HIBCH: variants seen among roughly 807,000 people sequenced by gnomAD.
HIBCH encodes the protein 3-hydroxyisobutyryl-CoA hydrolase, also known as 3-hydroxyisobutyryl-CoA hydrolase, mitochondrial.
Under a neutral mutation model 58.2 loss-of-function variants are expected in HIBCH, and 50 were observed. The observed-to-expected ratio is 0.86, with a 90% CI of 0.68 to 1.09. The LOEUF (loss-of-function observed/expected upper bound fraction) is 1.09. HIBCH is among the 50% of genes least tolerant of loss of function. The pLI is 0.00. For missense variants in HIBCH, 450 were observed against 449.7 expected (o/e 1.00, Z -0.01); for synonymous variants, 151 against 146.9 (o/e 1.03, Z -0.20).
chr2:190,257,841 G>A (rs1029463831), intron 7 of HIBCH, among the ~76,000 whole-genome samples: 7 of 152,064 alleles, frequency 4.6e-5, no homozygotes, highest in African/African-American at 1.7e-4. Context: ...TGCAAAAACT[G>A]GAAGAGCCCC....
chr2:190,310,906 AC>A (rs1688539073), intron 1 of HIBCH, 110 bp from the exon 2 acceptor site: 1 of 723,502 alleles, frequency 1.4e-6, no homozygotes. Flanking sequence ...TATTACCAGA[AC>A]AAAAAGTTTT....
chr2:190,252,231 T>C lies in HIBCH; in HGVS notation c.594A>G (p.Thr198=), dbSNP rs977610199. Residue 198 remains threonine (T), a synonymous_variant, in exon 8 of 14, where the codon ACA becomes ACG. Transcript: ENST00000359678. ...QGKLGYFLAL[T]GFRLKGRDVY... The stretch of plus-strand genomic sequence containing the variant: ...CATCTCTTCCTTTTAGTCTGAATCC[T>C]GTTAATGCAAGGAAGTAACCAAGTT... 1 of 1,613,766 alleles carries C rather than the reference T, an allele frequency of 6.2e-7. No individual in the cohort carries two copies. Among genetic ancestry groups the C allele is most frequent in the Non-Finnish European group, 8.5e-7 (1 of 1,179,658 alleles).
chr2:190,287,993 A>G (rs950904223), intron 5 of HIBCH, among the ~76,000 whole-genome samples: 6 of 151,978 alleles, frequency 3.9e-5, no homozygotes, highest in South Asian at 2.1e-4. Flanking sequence ...TCCCTCTCTT[A>G]AAAAAAGTAT....
chr2:190,318,321 A>G (rs1020363001), intron 1 of HIBCH, among the ~76,000 whole-genome samples: 7 of 151,990 alleles, frequency 4.6e-5, no homozygotes, highest in Non-Finnish European at 1.0e-4. Context: ...GTGGCATTAG[A>G]AAAGTAGGCC....
chr2:190,230,566 G>A lies in HIBCH; in HGVS notation c.891+14321C>T, dbSNP rs563260537. Among the ~76,000 whole-genome samples, 15 of 152,296 alleles carry A rather than the reference G, an allele frequency of 9.8e-5. No homozygotes were observed. The South Asian group carries it at 1.4e-3, about 15-fold the overall frequency. ...AAAAATTAGCTGGGTGTGGTGGCGC[G>A]TGCCTATATTCCCAGATACTAGGGA... On this transcript the variant is annotated intron_variant, in intron 11 of 13. Transcript: ENST00000359678.
chr2:190,303,237 T>A (rs957817603), intron 2 of HIBCH, among the ~76,000 whole-genome samples: 1 of 152,132 alleles, frequency 6.6e-6, no homozygotes, highest in Non-Finnish European at 1.5e-5. Context: ...GATACATACA[T>A]TACCCTAGCT....
rs1255555254 is a variant in HIBCH at position 190,217,653 on chromosome 2, C to T, written c.892-4578G>A. ...GGTTAAAAAAACTTCTAACTCGAAC[C>T]CTGCCTCTTGAGTTCACAGTTCACC... On this transcript the variant is annotated intron_variant, in intron 11 of 13. Coordinates refer to ENST00000359678, the MANE Select transcript of HIBCH (RefSeq NM_014362.4). The surrounding 1 kb of genome is among the most constrained non-coding windows in gnomAD (Gnocchi z 4.6). 3.9e-5 allele frequency among the ~76,000 whole-genome samples: 6 copies of T among 152,120 alleles called. No homozygotes were observed. The highest frequency in any genetic ancestry group is 8.8e-5 in the Non-Finnish European group (6 of 68,024).
rs113396009 is a variant in HIBCH at position 190,209,316 on chromosome 2, G to A, written c.1012-403C>T. ...CCTGGCACCAACTAAACCCTATCAC[G>A]TACCCCTGCCTGCACTTCAGCAGCT... On this transcript the variant is annotated intron_variant, in intron 12 of 13. Transcript: ENST00000359678. This position sits in a 1 kb window ranked among gnomAD's most constrained non-coding sequence, Gnocchi z 5.6. Among the ~76,000 whole-genome samples the A allele has an allele frequency of 4.0e-5, 6 of 151,742 alleles. No homozygotes were observed. The highest frequency in any genetic ancestry group is 9.7e-5 in the African/African-American group (4 of 41,260).
Position 190,297,104 on chromosome 2 carries a change from T to C in HIBCH, c.79-151A>G, listed in dbSNP as rs1234737457. 9 of 731,482 alleles carry C rather than the reference T, an allele frequency of 1.2e-5. No homozygotes were observed. The South Asian group carries it at 1.4e-4, about 11-fold the overall frequency. 45.3% of individuals were successfully genotyped at this position (731,482 alleles called of 1,614,324 possible). A position where few individuals can be genotyped will look rare whatever the true frequency, so the allele number is the denominator to read the frequency against. On this transcript the variant is annotated intron_variant, in intron 2 of 13. Coordinates refer to ENST00000359678, the MANE Select transcript of HIBCH (RefSeq NM_014362.4). ...TACACCTTATAAGTTTCTGAAGTTATTTAGATTATGTAGACGAACAATTCC... is the reference window on the plus strand; with the variant it reads ...TACACCTTATAAGTTTCTGAAGTTACTTAGATTATGTAGACGAACAATTCC...
At chr2:190,250,495 A>G (rs1401778310) in intron 8 of HIBCH, 2 of 389,574 alleles carry the variant, frequency 5.1e-6, no homozygotes, top group African/African-American at 4.2e-5. Context: ...ATGTCTGTCT[A>G]CTCATTGCAG....
intron 2 of HIBCH, among the ~76,000 whole-genome samples, chr2:190,305,169 T>G (rs778791172): frequency 7.9e-5 from 12 of 151,868 alleles, no homozygotes; most frequent in Non-Finnish European, 1.3e-4. Context: ...GGATTAACAG[T>G]AGGAATAGAA....
intron 7 of HIBCH, among the ~76,000 whole-genome samples, chr2:190,259,283 T>C (rs754383986): frequency 1.3e-5 from 2 of 151,720 alleles, no homozygotes; most frequent in Non-Finnish European, 2.9e-5. Context: ...CTTCTTCAAT[T>C]TTTTTCATCA....
At chr2:190,195,113 C>T (rs1195795916) in intron 1 of HIBCH, among the ~76,000 whole-genome samples, 1 of 152,168 alleles carries the variant, frequency 6.6e-6, no homozygotes, top group African/African-American at 2.4e-5. Flanking sequence ...ATACTCGCCT[C>T]AGCCTCCCAA....
At position 190,304,256 on chromosome 2, in the gene HIBCH, A is replaced by C. The variant is rs1158689697; in HGVS notation, c.78+6498T>G. On this transcript the variant is annotated intron_variant, in intron 2 of 13. Transcript: ENST00000359678. The surrounding 1 kb of genome is among the most constrained non-coding windows in gnomAD (Gnocchi z 4.1). ...ACCTGAAACTGTGTAATTTGTTAAA[A>C]AAAAAAAAAAAAAGGAATTTATTCT... is the stretch of plus-strand genomic sequence containing the variant. 7.1e-6 allele frequency among the ~76,000 whole-genome samples: 1 copy of C among 140,002 alleles called. No homozygotes were observed. The highest frequency in any genetic ancestry group is 3.4e-3 in the Middle Eastern group (1 of 292). The allele number at this position is 140,002 out of a possible 152,430, so 91.8% of individuals were successfully genotyped here.
At chr2:190,252,552 G>A (rs1324509239) in intron 7 of HIBCH, among the ~76,000 whole-genome samples, 1 of 152,046 alleles carries the variant, frequency 6.6e-6, no homozygotes, top group Non-Finnish European at 1.5e-5. Context: ...AGTATTTGAT[G>A]ACACAATGTT....
chr2:190,207,498 G>A lies in HIBCH; in HGVS notation c.1045+1382C>T, dbSNP rs1690418929. Among the ~76,000 whole-genome samples, 1 of 152,204 alleles carries A rather than the reference G, an allele frequency of 6.6e-6. No homozygotes were observed. The highest frequency in any genetic ancestry group is 6.5e-5 in the Admixed American group (1 of 15,272). ...GTCCTTATTTCTGATATTGTATCAT[G>A]TCAGAAATGAAGAGAACTCTATGAA... is the stretch of plus-strand genomic sequence containing the variant. On this transcript the variant is annotated intron_variant, in intron 13 of 13. Transcript: ENST00000359678. This position sits in a 1 kb window ranked among gnomAD's most constrained non-coding sequence, Gnocchi z 4.5.
chr2:190,222,921 C>T (rs1575702903), intron 11 of HIBCH, among the ~76,000 whole-genome samples: 1 of 152,222 alleles, frequency 6.6e-6, no homozygotes, highest in African/African-American at 2.4e-5. Flanking sequence ...CACATATACA[C>T]CATGGAATAC....
At position 190,319,817 on chromosome 2, in the gene HIBCH, A is replaced by T. The variant is rs950639274; in HGVS notation, c.-67T>A. 1 of 1,572,248 alleles carries T rather than the reference A, an allele frequency of 6.4e-7. No homozygotes were observed. Among genetic ancestry groups the T allele is most frequent in the Non-Finnish European group, 8.6e-7 (1 of 1,156,450 alleles). ...CCGGACCGTTCCAGCGCCTCGCGTGAGCCCCGCCCACCGCCGTCCTGCGCC... is the reference window on the plus strand; with the variant it reads ...CCGGACCGTTCCAGCGCCTCGCGTGTGCCCCGCCCACCGCCGTCCTGCGCC... On this transcript the variant is annotated 5_prime_UTR_variant, in exon 1 of 14. Coordinates refer to ENST00000359678, the MANE Select transcript of HIBCH (RefSeq NM_014362.4).
intron 2 of HIBCH, among the ~76,000 whole-genome samples, chr2:190,302,302 A>G (rs1206379633): frequency 2.0e-5 from 3 of 152,198 alleles, no homozygotes; most frequent in Admixed American, 6.5e-5. Context: ...GGGGCTATGA[A>G]TATTCACGAA....
Sources: allele counts gnomAD v4.1 joint callset (sites outside exome capture counted in the v4.1 genomes callset), GRCh38; gene constraint gnomAD v4.1.1; non-coding constraint Gnocchi (gnomAD v3.1); transcripts MANE v1.5; gene names NCBI Gene and HGNC (gene_info 2026-07-23, HGNC 2026-07-21).